The following CLVS1 variants were observed in gnomAD, a reference collection of about 807,000 sequenced individuals.
The protein encoded by CLVS1 is clavesin-1.
Under a neutral mutation model 33.1 loss-of-function variants are expected in CLVS1, and 10 were observed. That is an observed-to-expected ratio of 0.30 (90% CI 0.19 to 0.51). CLVS1 has a LOEUF of 0.51. Among genes scored for constraint, CLVS1 ranks in the 20% least tolerant of loss-of-function variants. The pLI, the probability that CLVS1 is intolerant of heterozygous loss-of-function variation, is 0.97. For synonymous variants in CLVS1, 163 were observed against 166.1 expected (o/e 0.98, Z 0.14); for missense variants, 343 against 433.4 (o/e 0.79, Z 1.85).
chr8:61,466,669 T>C (rs1307161986), intron 5 of CLVS1, among the ~76,000 whole-genome samples: 1 of 152,130 alleles, frequency 6.6e-6, no homozygotes, highest in Non-Finnish European at 1.5e-5. Flanking sequence ...TTTTTTGAGA[T>C]GGAGTTTTGC....
intron 3 of CLVS1, among the ~76,000 whole-genome samples, chr8:61,409,418 A>G (rs550422067): frequency 6.6e-6 from 1 of 152,350 alleles, no homozygotes; most frequent in East Asian, 1.9e-4. Context: ...GTATGTCTTA[A>G]GGATTTCAGC....
intron 2 of CLVS1, among the ~76,000 whole-genome samples, chr8:61,266,370 T>A (rs1175986603): frequency 6.6e-6 from 1 of 151,800 alleles, no homozygotes; most frequent in African/African-American, 2.4e-5. Flanking sequence ...ACTGATCAAT[T>A]GGAACAAAAT....
intron 2 of CLVS1, 78 bp from the exon 3 acceptor site, chr8:61,376,527 G>A: frequency 7.2e-7 from 1 of 1,386,160 alleles, no homozygotes; most frequent in Non-Finnish European, 1.0e-6. Context: ...GTGGCATGCG[G>A]AGGCCAGCAC....
At chr8:61,174,215 G>T (rs1010618641) in intron 2 of CLVS1, among the ~76,000 whole-genome samples, 22 of 152,064 alleles carry the variant, frequency 1.4e-4, no homozygotes, top group African/African-American at 5.3e-4. Context: ...AAACAAAAAA[G>T]CAGGAAAATA....
At chr8:61,035,187 CTT>C in the CLVS1 span, among the ~76,000 whole-genome samples, 2 of 129,394 alleles carry the variant, frequency 1.5e-5, no homozygotes, top group African/African-American at 2.9e-5. Context: ...TTTCTTTTTT[CTT>C]TTTTTTTTTT....
chr8:61,082,290 T>A (rs1267186315), intron 1 of CLVS1, among the ~76,000 whole-genome samples: 2 of 151,952 alleles, frequency 1.3e-5, no homozygotes, highest in Non-Finnish European at 2.9e-5. Context: ...ACAGTATATG[T>A]AAGAGTTGTA....
At chr8:61,460,257 C>G (rs1227622446) in intron 5 of CLVS1, among the ~76,000 whole-genome samples, 3 of 152,060 alleles carry the variant, frequency 2.0e-5, no homozygotes, top group Admixed American at 1.3e-4. Context: ...TTATATAGCT[C>G]AAGGACATCA....
intron 1 of CLVS1, among the ~76,000 whole-genome samples, chr8:61,117,833 C>CT (rs1397458791): frequency 6.6e-6 from 1 of 151,532 alleles, no homozygotes; most frequent in Non-Finnish European, 1.5e-5. Context: ...CTAAAATTCT[C>CT]TTTTTTTGTT....
intron 2 of CLVS1, among the ~76,000 whole-genome samples, chr8:61,261,452 C>T (rs886254878): frequency 1.3e-5 from 2 of 152,176 alleles, no homozygotes; most frequent in Non-Finnish European, 2.9e-5. Flanking sequence ...GCCACCCACT[C>T]TACAAATCCA....
At chr8:61,191,976 C>T (rs1344227683) in intron 2 of CLVS1, among the ~76,000 whole-genome samples, 1 of 152,110 alleles carries the variant, frequency 6.6e-6, no homozygotes, top group African/African-American at 2.4e-5. Flanking sequence ...GATTTAATGC[C>T]ATCCCCATCA....
At chr8:61,365,953 C>T (rs1465675095) in intron 2 of CLVS1, among the ~76,000 whole-genome samples, 2 of 152,152 alleles carry the variant, frequency 1.3e-5, no homozygotes, top group African/African-American at 4.8e-5. Context: ...TAAACCAATG[C>T]TAATTTAGCT....
At chr8:60,995,163 C>G in the CLVS1 span, among the ~76,000 whole-genome samples, 2 of 152,178 alleles carry the variant, frequency 1.3e-5, no homozygotes, top group Admixed American at 6.5e-5. Flanking sequence ...TGACAAATGG[C>G]ATCTAATTAA....
intron 2 of CLVS1, among the ~76,000 whole-genome samples, chr8:61,353,139 C>A (rs1444177774): frequency 6.6e-6 from 1 of 151,944 alleles, no homozygotes; most frequent in Non-Finnish European, 1.5e-5. Flanking sequence ...AACCTCCCCA[C>A]CCTCAGCAAC....
intron 2 of CLVS1, among the ~76,000 whole-genome samples, chr8:61,261,950 C>G (rs1043655103): frequency 6.7e-6 from 1 of 150,232 alleles, no homozygotes. Context: ...TTTCTTCTAC[C>G]ATTTGGCAGC....
the CLVS1 span, among the ~76,000 whole-genome samples, chr8:60,972,845 A>T: frequency 6.6e-6 from 1 of 151,916 alleles, no homozygotes; most frequent in Non-Finnish European, 1.5e-5. Flanking sequence ...TAGTAATAAA[A>T]CTCTGATTTC....
At chr8:61,180,351 G>A (rs910410208) in intron 2 of CLVS1, among the ~76,000 whole-genome samples, 2 of 152,084 alleles carry the variant, frequency 1.3e-5, no homozygotes, top group African/African-American at 4.8e-5. Flanking sequence ...GTAATTAATA[G>A]CCTACCCACT....
intron 1 of CLVS1, among the ~76,000 whole-genome samples, chr8:61,064,439 C>T (rs1211963439): frequency 2.6e-5 from 4 of 151,916 alleles, no homozygotes; most frequent in South Asian, 2.1e-4. Flanking sequence ...TTTTGATTTG[C>T]GTTTTCCTAA....
intron 1 of CLVS1, among the ~76,000 whole-genome samples, chr8:61,295,616 T>TA (rs1810167755): frequency 6.6e-6 from 1 of 152,166 alleles, no homozygotes. Flanking sequence ...AACTTGCAGA[T>TA]GGTCACATAG....
intron 2 of CLVS1, among the ~76,000 whole-genome samples, chr8:61,322,375 C>A (rs768409558): frequency 2.0e-5 from 3 of 152,158 alleles, no homozygotes; most frequent in Non-Finnish European, 4.4e-5. Flanking sequence ...TGCACATTGA[C>A]TATAAATTGG....
Sources: allele counts gnomAD v4.1 joint callset (sites outside exome capture counted in the v4.1 genomes callset), GRCh38; gene constraint gnomAD v4.1.1; transcripts MANE v1.5; gene names NCBI Gene and HGNC (gene_info 2026-07-23, HGNC 2026-07-21).